IL1RAPL1: variants seen among roughly 807,000 people sequenced by gnomAD.
IL1RAPL1 encodes the protein interleukin-1 receptor accessory protein-like 1.
A neutral mutation model predicts 48.4 loss-of-function variants in IL1RAPL1; 3 were observed. That is an observed-to-expected ratio of 0.06 (90% CI 0.03 to 0.16). IL1RAPL1 has a LOEUF of 0.16. Among genes scored for constraint, IL1RAPL1 ranks in the 10% least tolerant of loss-of-function variants. The pLI is 1.00. For synonymous variants in IL1RAPL1, 185 were observed against 187.7 expected, an observed-to-expected ratio of 0.99 and a Z score of 0.12; for missense variants, 349 against 530.6, an observed-to-expected ratio of 0.66 and a Z score of 3.36.
At chrX:29,565,330 A>C (rs911256589) in intron 5 of IL1RAPL1, among the ~76,000 whole-genome samples, 6 of 111,148 alleles carry the variant, frequency 5.4e-5, no homozygotes, top group African/African-American at 2.0e-4. Flanking sequence ...TACTAAAAAA[A>C]AAAAACACAA....
chrX:28,828,030 T>C (rs1937011126), intron 2 of IL1RAPL1, among the ~76,000 whole-genome samples: 1 of 111,912 alleles, frequency 8.9e-6, no homozygotes, highest in African/African-American at 3.2e-5. Context: ...GACTAGATCT[T>C]AGAATGGTCT....
intron 5 of IL1RAPL1, among the ~76,000 whole-genome samples, chrX:29,455,577 G>T (rs1410169233): frequency 9.0e-6 from 1 of 111,221 alleles, no homozygotes; most frequent in Non-Finnish European, 1.9e-5. Flanking sequence ...ATGGTATTTA[G>T]GGAGGATATT....
At chrX:29,946,295 T>A (rs1933211837) in intron 9 of IL1RAPL1, among the ~76,000 whole-genome samples, 1 of 112,003 alleles carries the variant, frequency 8.9e-6, no homozygotes, top group Non-Finnish European at 1.9e-5. Flanking sequence ...CAGAAAGCAA[T>A]TGCCATCAAA....
At chrX:29,110,874 G>A (rs185945870) in intron 2 of IL1RAPL1, among the ~76,000 whole-genome samples, 1 of 111,253 alleles carries the variant, frequency 9.0e-6, no homozygotes, top group African/African-American at 3.3e-5. Flanking sequence ...AGTAAGGAGA[G>A]TGGCATTGGA....
chrX:28,737,965 A>AGAAGGAAG (rs1266890001), intron 1 of IL1RAPL1, among the ~76,000 whole-genome samples: 1 of 110,671 alleles, frequency 9.0e-6, no homozygotes, highest in Non-Finnish European at 1.9e-5. Context: ...AATGTAGAAA[A>AGAAGGAAG]GAAGGAAGGA....
At chrX:29,442,535 G>A (rs770753110) in intron 5 of IL1RAPL1, among the ~76,000 whole-genome samples, 8 of 111,774 alleles carry the variant, frequency 7.2e-5, no homozygotes, top group African/African-American at 1.6e-4. Flanking sequence ...AACACACAAA[G>A]TTTTGCTTTT....
intron 8 of IL1RAPL1, among the ~76,000 whole-genome samples, chrX:29,922,311 A>C (rs1306817879): frequency 9.8e-5 from 11 of 112,095 alleles, no homozygotes; most frequent in Non-Finnish European, 1.9e-4. Context: ...AAACATGAAA[A>C]AAATGTGGTC....
At chrX:28,807,831 GT>G (rs1453835176) in intron 2 of IL1RAPL1, among the ~76,000 whole-genome samples, 2 of 110,979 alleles carry the variant, frequency 1.8e-5, no homozygotes, top group African/African-American at 6.5e-5. Flanking sequence ...TAATTGGAAG[GT>G]TTTCAGAAAA....
intron 6 of IL1RAPL1, among the ~76,000 whole-genome samples, chrX:29,912,212 CTG>C (rs1468216372): frequency 1.8e-5 from 2 of 111,678 alleles, no homozygotes; most frequent in Non-Finnish European, 3.8e-5. Flanking sequence ...TGAGGAGGCT[CTG>C]TACTTACTTA....
intron 3 of IL1RAPL1, among the ~76,000 whole-genome samples, chrX:29,295,970 A>G (rs1932443600): frequency 8.9e-6 from 1 of 111,871 alleles, no homozygotes. Context: ...TAAAAATACT[A>G]CTAATTTAAG....
chrX:29,030,926 TC>T lies in IL1RAPL1; in HGVS notation c.82+241508del, dbSNP rs201428992. Among the ~76,000 whole-genome samples, 561 of 111,592 alleles carry T rather than the reference TC, an allele frequency of 5.0e-3. 2 individuals are homozygous for T. The highest frequency in any genetic ancestry group is 0.018 in the African/African-American group (542 of 30,805). On this transcript the variant is annotated intron_variant, in intron 2 of 10. Coordinates refer to ENST00000378993, the MANE Select transcript of IL1RAPL1 (RefSeq NM_014271.4). ...TATTTCTCAATTATGACATCATATT[TC>T]CCCCCCATTTCTTCATCTTGCATAA...
At chrX:29,727,829 C>T (rs1368732501) in intron 6 of IL1RAPL1, among the ~76,000 whole-genome samples, 1 of 111,231 alleles carries the variant, frequency 9.0e-6, no homozygotes, top group Non-Finnish European at 1.9e-5. Flanking sequence ...GTATTGAAAT[C>T]TAGCCTCTAT....
chrX:29,413,941 G>T (rs1934181588), intron 5 of IL1RAPL1, among the ~76,000 whole-genome samples: 1 of 110,713 alleles, frequency 9.0e-6, no homozygotes, highest in African/African-American at 3.3e-5. Flanking sequence ...ATATGTGTGT[G>T]TGTGCCCCTA....
intron 6 of IL1RAPL1, among the ~76,000 whole-genome samples, chrX:29,910,901 A>T (rs1203757074): frequency 8.9e-6 from 1 of 111,767 alleles, no homozygotes; most frequent in Non-Finnish European, 1.9e-5. Flanking sequence ...AGAAACTGGA[A>T]CCCTCATACA....
At chrX:28,702,391 A>G (rs1320615869) in intron 1 of IL1RAPL1, among the ~76,000 whole-genome samples, 5 of 111,993 alleles carry the variant, frequency 4.5e-5, no homozygotes, top group South Asian at 3.7e-4. Context: ...ATTTATTACA[A>G]AGGTGTTTTT....
rs1306112529 is a variant in IL1RAPL1 at position 28,845,854 on chromosome X, A to T, written c.82+56429A>T. On this transcript the variant is annotated intron_variant, in intron 2 of 10. Coordinates refer to ENST00000378993, the MANE Select transcript of IL1RAPL1 (RefSeq NM_014271.4). ...GATTTATTTTACACCCTCTACCCCT[A>T]CATATGCATAGCCTCTCTCATTATC... 1.8e-5 allele frequency among the ~76,000 whole-genome samples: 2 copies of T among 112,133 alleles called. 1 individual carries two copies. Among genetic ancestry groups the T allele is most frequent in the East Asian group, 5.6e-4 (2 of 3,557 alleles).
intron 3 of IL1RAPL1, among the ~76,000 whole-genome samples, chrX:29,366,901 A>G (rs1933469054): frequency 9.0e-6 from 1 of 110,915 alleles, no homozygotes; most frequent in Non-Finnish European, 1.9e-5. Context: ...CTTCAATTCG[A>G]GAAAATCAGG....
chrX:28,721,684 A>G (rs1357593974), intron 1 of IL1RAPL1, among the ~76,000 whole-genome samples: 31 of 110,859 alleles, frequency 2.8e-4, no homozygotes, highest in Non-Finnish European at 5.5e-4. Context: ...CTATGTCCTG[A>G]ATGGTATTGC....
At chrX:29,698,648 GTTC>G (rs749077951) in intron 6 of IL1RAPL1, among the ~76,000 whole-genome samples, 2 of 111,411 alleles carry the variant, frequency 1.8e-5, no homozygotes, top group Non-Finnish European at 3.8e-5. Flanking sequence ...GAAGTTGCCA[GTTC>G]TTCTTCCCAA....
Sources: gnomAD v4.1 joint callset for allele counts (sites outside exome capture counted in the v4.1 genomes callset) on GRCh38, gnomAD v4.1.1 for gene constraint, MANE v1.5 for transcripts, NCBI Gene and HGNC (gene_info 2026-07-23, HGNC 2026-07-21) for gene names.